The following CLSTN3 variants were observed in gnomAD, a reference collection of about 807,000 sequenced individuals.
The protein encoded by CLSTN3 is calsyntenin 3, also known as calsyntenin-3.
CLSTN3 carries 36 observed loss-of-function variants against 95.9 expected under a neutral mutation model. The ratio of observed to expected loss-of-function variants is 0.38; its 90% CI spans 0.29 to 0.50. CLSTN3 has a LOEUF of 0.50. Ranked by LOEUF, CLSTN3 falls within the 20% of genes least tolerant of loss-of-function variation. The pLI is 0.95. For synonymous variants in CLSTN3, 481 were observed against 504.0 expected (o/e 0.95, Z 0.61); for missense variants, 1,084 against 1,268.8 (o/e 0.85, Z 2.21).
At position 7,150,886 on chromosome 12, in the gene CLSTN3, T is replaced by C; in HGVS notation, c.2392-42T>C. Reference sequence around the variant, plus strand: ...GGGGTCTAGAGAAGTGGGGAGGACCTGGGAGAAGCGTGTGTGCCCATGGAG... The same window carrying C: ...GGGGTCTAGAGAAGTGGGGAGGACCCGGGAGAAGCGTGTGTGCCCATGGAG... On this transcript the variant is annotated intron_variant, in intron 15 of 17. Coordinates refer to ENST00000266546, the MANE Select transcript of CLSTN3 (RefSeq NM_014718.4). The surrounding 1 kb of genome is among the most constrained non-coding windows in gnomAD (Gnocchi z 4.0). 6.4e-7 allele frequency: 1 copy of C among 1,553,110 alleles called. No individual in the cohort carries two copies.
chr12:7,151,213 A>G (rs1591621312), intron 16 of CLSTN3, 150 bp downstream of exon 16: 3 of 806,154 alleles, frequency 3.7e-6, no homozygotes, highest in South Asian at 4.5e-5. Flanking sequence ...GTTGACAGCT[A>G]TGGACCAATC....
chr12:7,152,683 G>T (rs1010810906), intron 16 of CLSTN3, among the ~76,000 whole-genome samples: 5 of 152,154 alleles, frequency 3.3e-5, no homozygotes, highest in African/African-American at 1.2e-4. Flanking sequence ...CTCTCATCAT[G>T]TGCCAGGCAC....
intron 12 of CLSTN3, among the ~76,000 whole-genome samples, chr12:7,144,799 C>T (rs1032515695): frequency 1.3e-5 from 2 of 152,082 alleles, no homozygotes; most frequent in African/African-American, 2.4e-5. Flanking sequence ...GGTGACTGGG[C>T]GTGATTATCA....
chr12:7,148,903 A>G, intron 12 of CLSTN3, 69 bp from the exon 13 acceptor site: 1 of 1,363,400 alleles, frequency 7.3e-7, no homozygotes, highest in Non-Finnish European at 1.0e-6. Flanking sequence ...GCGGGGAGTG[A>G]AACAGAATGT....
At position 7,136,276 on chromosome 12, in the gene CLSTN3, G is replaced by T; in HGVS notation, c.813G>T (p.Glu271Asp). ...SLALFPGIRL[E>D]TCDEPLWNIQ... ...CTTTGTTCCCTGGTATCCGCCTGGA[G>T]ACCTGTGATGAACCACTCTGGAACA... Residue 271 changes from glutamate to aspartate, a missense_variant, in exon 6 of 18, where the codon GAG (glutamate) becomes GAT (aspartate). Physicochemically the swap from Glu to Asp is conservative, Grantham distance 45. Transcript: ENST00000266546. 1.2e-6 allele frequency: 2 copies of T among 1,614,208 alleles called. No homozygotes were observed.
In CLSTN3 at chr12:7,149,387, T is replaced by A. The variant is rs1031019445; in HGVS notation, c.2075-136T>A. 5.4e-6 allele frequency: 5 copies of A among 919,614 alleles called. No homozygotes were observed. The highest frequency in any genetic ancestry group is 8.3e-6 in the Non-Finnish European group (5 of 600,872). 57.0% of individuals were successfully genotyped at this position (919,614 alleles called of 1,614,324 possible). ...GTGGAAATGAATTGTTGCATAATGA[T>A]ATTCTTGAAAATGATGCTGACTTCC... On this transcript the variant is annotated intron_variant, in intron 13 of 17. Coordinates refer to ENST00000266546, the MANE Select transcript of CLSTN3 (RefSeq NM_014718.4). This position sits in a 1 kb window ranked among gnomAD's most constrained non-coding sequence, Gnocchi z 4.5.
chr12:7,138,297 T>C (rs994407621), intron 8 of CLSTN3, among the ~76,000 whole-genome samples: 1 of 150,580 alleles, frequency 6.6e-6, no homozygotes, highest in African/African-American at 2.5e-5. Context: ...AACAAATGAC[T>C]ACTAACACCA....
In CLSTN3 at chr12:7,147,220, G is replaced by A. The variant is rs1206359647; in HGVS notation, c.1848-1752G>A. ...GGTGCAAACCCAGGCCCCAAATGGT[G>A]CCTGTGGTTTAGTGGAAAGATCAGT... On this transcript the variant is annotated intron_variant, in intron 12 of 17. Transcript: ENST00000266546. Among the ~76,000 whole-genome samples the A allele has an allele frequency of 5.3e-5, 8 of 151,660 alleles. 1 individual carries two copies. Among genetic ancestry groups the A allele is most frequent in the Admixed American group, 4.6e-4 (7 of 15,232 alleles).
At chr12:7,144,847 G>A (rs1939596337) in intron 12 of CLSTN3, among the ~76,000 whole-genome samples, 1 of 152,180 alleles carries the variant, frequency 6.6e-6, no homozygotes, top group African/African-American at 2.4e-5. Flanking sequence ...CCCGGGCTGT[G>A]GCTTTTGGGA....
intron 16 of CLSTN3, among the ~76,000 whole-genome samples, chr12:7,154,890 A>G (rs972974767): frequency 1.3e-5 from 2 of 152,248 alleles, no homozygotes; most frequent in South Asian, 4.1e-4. Flanking sequence ...CATGCGTACT[A>G]TGAGATGCTA....
Position 7,130,577 on chromosome 12 carries a change from A to C in CLSTN3, c.-72A>C. 1 of 1,549,054 alleles carries C rather than the reference A, an allele frequency of 6.5e-7. No individual in the cohort carries two copies. The highest frequency in any genetic ancestry group is 8.7e-7 in the Non-Finnish European group (1 of 1,146,854). ...TGGAGACCCCCTGTATCCCTCCCGC[A>C]AGGTGGAATCCGCAGGCTGGAGGCT... On this transcript the variant is annotated 5_prime_UTR_variant, in exon 1 of 18. Transcript: ENST00000266546.
intron 1 of CLSTN3, chr12:7,131,729 C>T (rs769724203): frequency 3.1e-5 from 14 of 451,164 alleles, no homozygotes; most frequent in African/African-American, 2.7e-4. Context: ...TTGCCTGCAT[C>T]TCTGACCTCA....
In CLSTN3 at chr12:7,147,070, C is replaced by T. The variant is rs952737279; in HGVS notation, c.1848-1902C>T. 3.9e-5 allele frequency among the ~76,000 whole-genome samples: 6 copies of T among 152,276 alleles called. No homozygotes were observed. In the South Asian group the frequency reaches 1.2e-3, roughly 32 times the overall value. On this transcript the variant is annotated intron_variant, in intron 12 of 17. Transcript: ENST00000266546. ...GCTCAGTAACACTAATAATTACAGT[C>T]CTCTCTGTAAAATCATTTCCGCTAG...
rs2135796833 is a variant in CLSTN3 at position 7,135,524 on chromosome 12, T to C, written c.581T>C (p.Ile194Thr). 1.9e-6 allele frequency: 3 copies of C among 1,614,094 alleles called. No homozygotes were observed. The highest frequency in any genetic ancestry group is 2.2e-5 in the East Asian group (1 of 44,866). ...CTCACACCCAACACCCCTTTCCTCA[T>C]TGACAATGACGGTGAGTCCACCCCT... Reference protein sequence around the residue: ...EILTPNTPFLIDNDGNIENTE... With the variant: ...EILTPNTPFLTDNDGNIENTE... The change falls in exon 4 of 18, where the codon ATT (isoleucine) becomes ACT (threonine). Residue 194 changes from isoleucine to threonine, a missense_variant. Physicochemically the swap from Ile to Thr is moderately conservative, Grantham distance 89. Transcript: ENST00000266546.
At chr12:7,130,780 G>C in intron 1 of CLSTN3, 68 bp downstream of exon 1, 1 of 1,227,124 alleles carries the variant, frequency 8.1e-7, no homozygotes, top group Non-Finnish European at 1.2e-6. Context: ...GTGGGGGTGG[G>C]AAGGAGGTGT....
At position 7,138,021 on chromosome 12, in the gene CLSTN3, T is replaced by A. The variant is rs139911367; in HGVS notation, c.1277T>A (p.Leu426Gln). Residue 426 changes from leucine (L) to glutamine (Q), a missense_variant, in exon 8 of 18, where the codon CTG becomes CAG. Transcript: ENST00000266546. ...AGGATTGCCTTCCTCTACTGGCCCC[T>A]GCTTGAGAGTGCCCGCCCAGTCAAG... Reference protein sequence around the residue: ...GCRIAFLYWPLLESARPVKFL... With the variant: ...GCRIAFLYWPQLESARPVKFL... The A allele has an allele frequency of 4.9e-4, 783 of 1,613,872 alleles. 2 individuals carry two copies. Among genetic ancestry groups the A allele is most frequent in the Middle Eastern group, 1.2e-3 (7 of 6,060 alleles).
At position 7,157,745 on chromosome 12, in the gene CLSTN3, C is replaced by A. The variant is rs778765926; in HGVS notation, c.2730+54C>A. On this transcript the variant is annotated intron_variant, in intron 17 of 17. Transcript: ENST00000266546. The surrounding 1 kb of genome is among the most constrained non-coding windows in gnomAD (Gnocchi z 5.9). ...TAGGGTCAAGACTGTGGAGCACACA[C>A]GGTGAGGACTCCTGAGGAGGGGCAG... The A allele has an allele frequency of 1.3e-6, 2 of 1,530,608 alleles. No homozygotes were observed. Among genetic ancestry groups the A allele is most frequent in the East Asian group, 4.9e-5 (2 of 40,760 alleles). 94.8% of individuals were successfully genotyped at this position (1,530,608 alleles called of 1,614,324 possible).
At position 7,130,722 on chromosome 12, in the gene CLSTN3, G is replaced by C. The variant is rs746550687; in HGVS notation, c.64+10G>C. The C allele has an allele frequency of 5.4e-5, 84 of 1,556,922 alleles. No homozygotes were observed. In the South Asian group the frequency reaches 8.8e-4, roughly 16 times the overall value. On this transcript the variant is annotated intron_variant, in intron 1 of 17. Transcript: ENST00000266546. Reference sequence around the variant, plus strand: ...TGCTCCTGTAACAAAGGTGAGTGAGGTGGGGGTGGGGGTACCGAAAGAGGG... The same window carrying C: ...TGCTCCTGTAACAAAGGTGAGTGAGCTGGGGGTGGGGGTACCGAAAGAGGG...
At chr12:7,148,196 G>GAAAGA (rs1939660178) in intron 12 of CLSTN3, among the ~76,000 whole-genome samples, 1 of 131,070 alleles carries the variant, frequency 7.6e-6, no homozygotes, top group African/African-American at 3.1e-5. Flanking sequence ...AAGAAAGAAA[G>GAAAGA]AAAGAAAGAA....
Sources: gnomAD v4.1 joint callset for allele counts (sites outside exome capture counted in the v4.1 genomes callset) on GRCh38, gnomAD v4.1.1 for gene constraint, Gnocchi (gnomAD v3.1) non-coding constraint, MANE v1.5 for transcripts, NCBI Gene and HGNC (gene_info 2026-07-23, HGNC 2026-07-21) for gene names.